TRPM3: variants seen among roughly 807,000 people sequenced by gnomAD.
TRPM3 encodes long transient receptor potential channel 3.
TRPM3 carries 77 observed loss-of-function variants against 181.2 expected under a neutral mutation model. The ratio of observed to expected loss-of-function variants is 0.42; its 90% CI spans 0.35 to 0.51. The LOEUF is 0.51. TRPM3 is among the 20% of genes least tolerant of loss of function. The pLI is 0.01. For missense variants in TRPM3, 1,759 were observed against 2,196.7 expected, an observed-to-expected ratio of 0.80 and a Z score of 3.98; for synonymous variants, 745 against 796.4, an observed-to-expected ratio of 0.94 and a Z score of 1.09.
At chr9:71,371,512 G>A (rs148977066) in intron 1 of TRPM3, among the ~76,000 whole-genome samples, 1 of 152,216 alleles carries the variant, frequency 6.6e-6, no homozygotes, top group African/African-American at 2.4e-5. Context: ...AGAATGAGAA[G>A]TGGAGCTTGA....
intron 1 of TRPM3, among the ~76,000 whole-genome samples, chr9:71,013,164 C>T (rs894174252): frequency 3.3e-5 from 5 of 152,080 alleles, no homozygotes; most frequent in Non-Finnish European, 5.9e-5. Context: ...AAATCAGGAA[C>T]GGGTGGTAAA....
intron 1 of TRPM3, among the ~76,000 whole-genome samples, chr9:71,127,622 G>A (rs984868374): frequency 2.0e-4 from 30 of 152,202 alleles, no homozygotes; most frequent in African/African-American, 7.2e-4. Context: ...TTTTTGTGAA[G>A]GTTAAAGCAA....
chr9:71,038,039 A>C (rs1000231450), intron 1 of TRPM3, among the ~76,000 whole-genome samples: 4 of 152,332 alleles, frequency 2.6e-5, no homozygotes, highest in African/African-American at 9.6e-5. Context: ...CTAAGTATTG[A>C]TTTTAATGAA....
chr9:70,776,704 T>C (rs1438846632), intron 7 of TRPM3, among the ~76,000 whole-genome samples: 2 of 152,108 alleles, frequency 1.3e-5, no homozygotes, highest in Non-Finnish European at 2.9e-5. Context: ...TGGTGATTGA[T>C]GGTAAATATG....
intron 1 of TRPM3, among the ~76,000 whole-genome samples, chr9:71,017,282 TAAAAG>T (rs2097792464): frequency 6.6e-6 from 1 of 151,968 alleles, no homozygotes; most frequent in African/African-American, 2.4e-5. Context: ...AAAAGGAACT[TAAAAG>T]ATATAGAATG....
chr9:71,156,420 CAA>C (rs1491023575), intron 1 of TRPM3, among the ~76,000 whole-genome samples: 6 of 140,450 alleles, frequency 4.3e-5, no homozygotes, highest in Admixed American at 7.0e-5. Flanking sequence ...CACACACACA[CAA>C]GGCTTATCAC....
intron 1 of TRPM3, among the ~76,000 whole-genome samples, chr9:71,323,949 G>A (rs975437410): frequency 6.6e-6 from 1 of 152,158 alleles, no homozygotes; most frequent in African/African-American, 2.4e-5. Flanking sequence ...AAGCTAGCCT[G>A]AGTGGGCTTC....
intron 1 of TRPM3, among the ~76,000 whole-genome samples, chr9:71,338,044 C>A (rs149030596): frequency 0.014 from 2,111 of 151,774 alleles, 39 homozygotes; most frequent in African/African-American, 0.046. Context: ...AACAAACCTG[C>A]ACATTCTGCA....
intron 1 of TRPM3, among the ~76,000 whole-genome samples, chr9:71,336,336 T>C (rs2090555346): frequency 6.6e-6 from 1 of 152,050 alleles, no homozygotes; most frequent in Non-Finnish European, 1.5e-5. Context: ...AAATCATGAG[T>C]GAACTCCCAT....
intron 1 of TRPM3, among the ~76,000 whole-genome samples, chr9:71,285,320 G>A (rs531483112): frequency 6.6e-6 from 1 of 152,248 alleles, no homozygotes; most frequent in African/African-American, 2.4e-5. Flanking sequence ...ATTCTCACTA[G>A]CATCCACTAG....
At chr9:71,109,541 T>A (rs185043454) in intron 1 of TRPM3, among the ~76,000 whole-genome samples, 24 of 152,306 alleles carry the variant, frequency 1.6e-4, no homozygotes, top group African/African-American at 5.5e-4. Flanking sequence ...AAACAGTATT[T>A]TTATTATTTC....
chr9:70,876,852 G>GGTTT (rs2095876126), intron 1 of TRPM3, among the ~76,000 whole-genome samples: 1 of 151,844 alleles, frequency 6.6e-6, no homozygotes, highest in Non-Finnish European at 1.5e-5. Context: ...ATTTTTTAGA[G>GGTTT]CAGTTTTAGG....
intron 1 of TRPM3, among the ~76,000 whole-genome samples, chr9:71,247,505 A>G (rs1460950784): frequency 2.6e-5 from 4 of 152,132 alleles, no homozygotes; most frequent in Non-Finnish European, 4.4e-5. Context: ...AAACTGGATG[A>G]CAAAGCTCAA....
chr9:70,913,958 G>T (rs1418305208), intron 1 of TRPM3, among the ~76,000 whole-genome samples: 2 of 152,166 alleles, frequency 1.3e-5, no homozygotes, highest in African/African-American at 4.8e-5. Context: ...AGAAATGAAG[G>T]TATTGACCCC....
chr9:70,567,409 A>G (rs943759681), intron 22 of TRPM3, among the ~76,000 whole-genome samples: 3 of 152,288 alleles, frequency 2.0e-5, no homozygotes, highest in African/African-American at 7.2e-5. Context: ...GCAAAGATCA[A>G]CTAAGTTGAT....
At chr9:70,917,727 G>T (rs978229727) in intron 1 of TRPM3, among the ~76,000 whole-genome samples, 1 of 151,786 alleles carries the variant, frequency 6.6e-6, no homozygotes, top group African/African-American at 2.4e-5. Flanking sequence ...ATGAAGAAAA[G>T]AAGTCAGAGA....
intron 1 of TRPM3, among the ~76,000 whole-genome samples, chr9:71,008,532 A>G (rs1480868879): frequency 6.6e-6 from 1 of 152,146 alleles, no homozygotes; most frequent in African/African-American, 2.4e-5. Flanking sequence ...AGCAAACTGA[A>G]TTCAACAACA....
At chr9:71,302,104 G>A (rs2086832270) in intron 1 of TRPM3, among the ~76,000 whole-genome samples, 1 of 151,886 alleles carries the variant, frequency 6.6e-6, no homozygotes, top group Non-Finnish European at 1.5e-5. Context: ...ATAATTTAGT[G>A]TCGCAAATCA....
intron 1 of TRPM3, among the ~76,000 whole-genome samples, chr9:71,081,329 G>T (rs923677918): frequency 1.3e-5 from 2 of 152,124 alleles, no homozygotes; most frequent in Non-Finnish European, 2.9e-5. Flanking sequence ...TTCCACTCCT[G>T]GCTTATCTCT....
Sources: allele counts gnomAD v4.1 joint callset (sites outside exome capture counted in the v4.1 genomes callset), GRCh38; gene constraint gnomAD v4.1.1; transcripts MANE v1.5; gene names NCBI Gene and HGNC (gene_info 2026-07-23, HGNC 2026-07-21).